The following PLSCR3 variants were observed in gnomAD, a reference collection of about 807,000 sequenced individuals.
PLSCR3 encodes phospholipid scramblase 3.
PLSCR3 carries 17 observed loss-of-function variants against 33.7 expected under a neutral mutation model. The observed-to-expected ratio is 0.50, with a 90% CI of 0.35 to 0.76. The LOEUF is 0.76. Among genes scored for constraint, PLSCR3 ranks in the 30% least tolerant of loss-of-function variants. PLSCR3 has a pLI of 0.01. For missense variants in PLSCR3, 360 were observed against 394.1 expected (o/e 0.91, Z 0.73); for synonymous variants, 166 against 166.0 (o/e 1.00, Z 0.00).
In PLSCR3 at chr17:7,393,722, T is replaced by C; in HGVS notation, c.122A>G (p.Gln41Arg). ...PGPGQAPVPA[Q>R]VPAPAPGFAL... is the part of the protein sequence containing the mutation. ...GAAGCCGGGAGCTGGGGCAGGTACC[T>C]GGGCGGGCACTGGCGCCTGCCCGGG... The change falls in exon 3 of 8, where the codon CAG becomes CGG. Residue 41 changes from glutamine (Q) to arginine (R), a missense_variant. Transcript: ENST00000619711. 1 of 1,534,066 alleles carries C rather than the reference T, an allele frequency of 6.5e-7. No homozygotes were observed. The highest frequency in any genetic ancestry group is 8.7e-7 in the Non-Finnish European group (1 of 1,150,070).
rs74780545 is a variant in PLSCR3 at position 7,392,280 on chromosome 17, T to C, written c.669+511A>G. Reference sequence around the variant, plus strand: ...ACCAAGGTGCTTCCCAGGCCTCACCTCACTCTGAAATTCTTGCCACTTGGG... The same window carrying C: ...ACCAAGGTGCTTCCCAGGCCTCACCCCACTCTGAAATTCTTGCCACTTGGG... On this transcript the variant is annotated intron_variant, in intron 6 of 7. Coordinates refer to ENST00000619711, the MANE Select transcript of PLSCR3 (RefSeq NM_020360.4). Among the ~76,000 whole-genome samples the C allele has an allele frequency of 6.6e-5, 10 of 152,322 alleles. No individual in the cohort carries two copies. The East Asian group carries it at 1.5e-3, about 23-fold the overall frequency.
At position 7,392,955 on chromosome 17, in the gene PLSCR3, G is replaced by T. The variant is rs755182183; in HGVS notation, c.508-3C>A. The stretch of plus-strand genomic sequence containing the variant: ...CCTGGTGGAGCCTGTACTTCCATCT[G>T]GGAGTGGGAAGCAGACAGGGTCACT... On this transcript the variant is annotated splice_region_variant and splice_polypyrimidine_tract_variant and intron_variant, in intron 5 of 7. Transcript: ENST00000619711. 2 of 1,609,120 alleles carry T rather than the reference G, an allele frequency of 1.2e-6. No homozygotes were observed. The highest frequency in any genetic ancestry group is 2.7e-5 in the African/African-American group (2 of 74,840).
chr17:7,392,641 C>T, intron 6 of PLSCR3, 150 bp downstream of exon 6: 1 of 758,142 alleles, frequency 1.3e-6, no homozygotes, highest in Non-Finnish European at 2.3e-6. Flanking sequence ...CATCCTATTT[C>T]CAAATGGAGG....
intron 6 of PLSCR3, 103 bp downstream of exon 6, chr17:7,392,688 G>C: frequency 9.0e-7 from 1 of 1,105,996 alleles, no homozygotes; most frequent in South Asian, 1.2e-5. Flanking sequence ...AGTGGATTTG[G>C]ATTGATGAGC....
Position 7,393,337 on chromosome 17 carries a change from C to G in PLSCR3, c.314G>C (p.Arg105Pro). 1 of 1,612,842 alleles carries G rather than the reference C, an allele frequency of 6.2e-7. No individual in the cohort carries two copies. Among genetic ancestry groups the G allele is most frequent in the Non-Finnish European group, 8.5e-7 (1 of 1,179,934 alleles). Residue 105 changes from arginine to proline, a missense_variant, in exon 5 of 8, where the codon CGG becomes CCG. By Grantham distance (103) the Arg-to-Pro change is moderately radical (BLOSUM62 -2). Coordinates refer to ENST00000619711, the MANE Select transcript of PLSCR3 (RefSeq NM_020360.4). ...ETFLGWETCN[R>P]YELRSGAGQP... Reference sequence around the variant, plus strand: ...CCCGGCCCCAGAGCGCAGTTCATACCGATTACAGGTCTCCCAGCCTAGGAA... The same window carrying G: ...CCCGGCCCCAGAGCGCAGTTCATACGGATTACAGGTCTCCCAGCCTAGGAA...
chr17:7,392,727 C>A, intron 6 of PLSCR3, 64 bp downstream of exon 6: 1 of 1,486,352 alleles, frequency 6.7e-7, no homozygotes, highest in Non-Finnish European at 9.4e-7. Context: ...TGTTAACTAT[C>A]CTGCCTCATG....
Position 7,390,252 on chromosome 17 carries a change from G to C in PLSCR3, c.*133C>G. ...CACAGGGGCAGGCGGCCAGGGAGTA[G>C]GGTAGGGATGGGGCCCCCCTTCTGT... is the stretch of plus-strand genomic sequence containing the variant. On this transcript the variant is annotated 3_prime_UTR_variant, in exon 8 of 8. Coordinates refer to ENST00000619711, the MANE Select transcript of PLSCR3 (RefSeq NM_020360.4). The C allele has an allele frequency of 1.6e-6, 1 of 629,198 alleles. No homozygotes were observed. The highest frequency in any genetic ancestry group is 3.1e-5 in the Admixed American group (1 of 32,568). The allele number at this position is 629,198 out of a possible 1,614,324, so 39.0% of individuals were successfully genotyped here.
chr17:7,390,574 T>C (rs529534983), intron 7 of PLSCR3, 60 bp downstream of exon 7: 1 of 1,602,374 alleles, frequency 6.2e-7, no homozygotes, highest in South Asian at 1.1e-5. Flanking sequence ...AGGAAATGCA[T>C]AAAGCTTCAA....
At position 7,394,395 on chromosome 17, in the gene PLSCR3, C is replaced by A. The variant is rs989473375; in HGVS notation, c.-158+82G>T. ...TCCTGCGGAGGAGGCTGTGGGCCGA[C>A]GGCAGGACAGATGGACCCGCGGTCA... On this transcript the variant is annotated intron_variant, in intron 1 of 7. Transcript: ENST00000619711. The surrounding 1 kb of genome is among the most constrained non-coding windows in gnomAD (Gnocchi z 5.3). 4.9e-5 allele frequency: 20 copies of A among 409,896 alleles called. No homozygotes were observed. Among genetic ancestry groups the A allele is most frequent in the African/African-American group, 3.8e-4 (19 of 49,456 alleles). The allele number at this position is 409,896 out of a possible 1,614,324, so 25.4% of individuals were successfully genotyped here. A position where few individuals can be genotyped will look rare whatever the true frequency, so the allele number is the denominator to read the frequency against.
chr17:7,393,255 G>C lies in PLSCR3; in HGVS notation c.396C>G (p.Gly132=). 6.3e-7 allele frequency: 1 copy of C among 1,597,080 alleles called. No homozygotes were observed. The highest frequency in any genetic ancestry group is 1.1e-5 in the South Asian group (1 of 90,756). Residue 132 remains glycine, a synonymous_variant, in exon 5 of 8, where the codon GGC becomes GGG. Transcript: ENST00000619711. ...ESNCCARLCC[G]ARRPLRVRLA... ...GGCGGACACGCAGCGGCCGGCGGGC[G>C]CCACAGCACAGACGGGCGCAGCAGT...
At chr17:7,392,536 A>AT (rs113255803) in intron 6 of PLSCR3, among the ~76,000 whole-genome samples, 1,668 of 152,002 alleles carry the variant, frequency 0.011, 27 homozygotes, top group African/African-American at 0.034. Context: ...CTGGCCTTAG[A>AT]TTTTTTTTCT....
At position 7,393,162 on chromosome 17, in the gene PLSCR3, G is replaced by A. The variant is rs987115942; in HGVS notation, c.489C>T (p.Cys163=). 4.7e-6 allele frequency: 7 copies of A among 1,474,934 alleles called. No individual in the cohort carries two copies. Among genetic ancestry groups the A allele is most frequent in the Middle Eastern group, 2.4e-4 (1 of 4,088 alleles). The allele number at this position is 1,474,934 out of a possible 1,614,324, so 91.4% of individuals were successfully genotyped here. ...CGCCCACCTCCTGGAGGCCACAGGG[G>A]CAGCAGCTGCAGCCACAGTGCAGCG... The part of the protein sequence containing the change: ...LRPLHCGCSC[C]PCGLQEMEVQ... The change falls in exon 5 of 8, where the codon TGC becomes TGT. Residue 163 remains cysteine (C), a synonymous_variant. Coordinates refer to ENST00000619711, the MANE Select transcript of PLSCR3 (RefSeq NM_020360.4).
In PLSCR3 at chr17:7,390,304, G is replaced by A; in HGVS notation, c.*81C>T. On this transcript the variant is annotated 3_prime_UTR_variant, in exon 8 of 8. Transcript: ENST00000619711. ...CCCTGCAGTGTACATGGAGGAAAGG[G>A]GCTGCCCAGAGGAGGGGCCAGGGCA... The A allele has an allele frequency of 1.8e-6, 2 of 1,115,394 alleles. No individual in the cohort carries two copies. Among genetic ancestry groups the A allele is most frequent in the Non-Finnish European group, 2.6e-6 (2 of 778,506 alleles). 69.1% of individuals were successfully genotyped at this position (1,115,394 alleles called of 1,614,324 possible). A position where few individuals can be genotyped will look rare whatever the true frequency, so the allele number is the denominator to read the frequency against.
At position 7,394,322 on chromosome 17, in the gene PLSCR3, T is replaced by C; in HGVS notation, c.-157-55A>G. The stretch of plus-strand genomic sequence containing the variant: ...GGGCGGGACCGGGTACCTGGGACCC[T>C]GGATTCCCTCGGGGGCCCCAGAACC... On this transcript the variant is annotated intron_variant, in intron 1 of 7. Coordinates refer to ENST00000619711, the MANE Select transcript of PLSCR3 (RefSeq NM_020360.4). The surrounding 1 kb of genome is among the most constrained non-coding windows in gnomAD (Gnocchi z 5.3). The C allele has an allele frequency of 1.9e-6, 1 of 530,226 alleles. No homozygotes were observed. Among genetic ancestry groups the C allele is most frequent in the Non-Finnish European group, 3.4e-6 (1 of 295,904 alleles). 32.8% of individuals were successfully genotyped at this position (530,226 alleles called of 1,614,324 possible).
intron 2 of PLSCR3, 122 bp from the exon 3 acceptor site, chr17:7,393,958 G>T: frequency 8.7e-7 from 1 of 1,148,132 alleles, no homozygotes; most frequent in Non-Finnish European, 1.3e-6. Flanking sequence ...AGAAAGATGG[G>T]GCAGGGGAGC....
At chr17:7,393,112 G>GGCCCCCCCCCC in intron 5 of PLSCR3, 32 bp downstream of exon 5, 1 of 1,256,044 alleles carries the variant, frequency 8.0e-7, no homozygotes, top group East Asian at 2.6e-5. Context: ...CCCCACCAAG[G>GGCCCCCCCCCC]CCCGCCCTCC....
chr17:7,393,112 G>GCCCCCCCCCCCCCCCCCCCCCCCCCCCCC, intron 5 of PLSCR3, 32 bp downstream of exon 5: 3 of 1,256,044 alleles, frequency 2.4e-6, no homozygotes, highest in Admixed American at 2.8e-5. Flanking sequence ...CCCCACCAAG[G>GCCCCCCCCCCCCCCCCCCCCCCCCCCCCC]CCCGCCCTCC....
At chr17:7,392,717 T>C in intron 6 of PLSCR3, 74 bp downstream of exon 6, 1 of 1,415,402 alleles carries the variant, frequency 7.1e-7, no homozygotes, top group Non-Finnish European at 9.9e-7. Flanking sequence ...TTGACCTTAA[T>C]GTTAACTATC....
chr17:7,393,509 T>A lies in PLSCR3; in HGVS notation c.244A>T (p.Ile82Phe). 1 of 1,614,050 alleles carries A rather than the reference T, an allele frequency of 6.2e-7. No homozygotes were observed. The highest frequency in any genetic ancestry group is 1.3e-5 in the African/African-American group (1 of 75,010). ...TTCTGGTGAATCAAAATCTGATCAA[T>A]CTGGAAAGAGAGGGGCGGCGCGCAC... ...VPSGLEFLVQ[I>F]DQILIHQKAE... is the part of the protein sequence containing the mutation. The change falls in exon 4 of 8, where the codon ATT (isoleucine) becomes TTT (phenylalanine). Residue 82 changes from isoleucine to phenylalanine, a missense_variant and splice_region_variant. Ile to Phe is a conservative substitution (Grantham distance 21). Transcript: ENST00000619711.
Sources: gnomAD v4.1 joint callset for allele counts (sites outside exome capture counted in the v4.1 genomes callset) on GRCh38, gnomAD v4.1.1 for gene constraint, Gnocchi (gnomAD v3.1) non-coding constraint, MANE v1.5 for transcripts, NCBI Gene and HGNC (gene_info 2026-07-23, HGNC 2026-07-21) for gene names.